The following SMG5 variants were observed in gnomAD, a reference collection of about 807,000 sequenced individuals.
The protein encoded by SMG5 is nonsense-mediated mRNA decay factor SMG5.
Under a neutral mutation model 122.9 loss-of-function variants are expected in SMG5, and 53 were observed. The ratio of observed to expected loss-of-function variants is 0.43; its 90% CI spans 0.35 to 0.54. The LOEUF (loss-of-function observed/expected upper bound fraction) is 0.54, where lower values mean the gene tolerates loss of function less well. Among genes scored for constraint, SMG5 ranks in the 20% least tolerant of loss-of-function variants. The pLI is 0.01. For synonymous variants in SMG5, 477 were observed against 490.2 expected, an observed-to-expected ratio of 0.97 and a Z score of 0.35; for missense variants, 1,153 against 1,285.6, an observed-to-expected ratio of 0.90 and a Z score of 1.58.
At chr1:156,253,562 G>C in intron 16 of SMG5, 54 bp from the exon 17 acceptor site, 3 of 1,558,456 alleles carry the variant, frequency 1.9e-6, no homozygotes, top group Non-Finnish European at 1.8e-6. Flanking sequence ...CCCTTCTCCA[G>C]TGATCAGGAA....
intron 2 of SMG5, among the ~76,000 whole-genome samples, chr1:156,278,257 C>A (rs968196316): frequency 1.3e-5 from 2 of 152,146 alleles, no homozygotes; most frequent in African/African-American, 4.8e-5. Flanking sequence ...ACTAAACATT[C>A]TAAGTTTTTC....
At position 156,267,555 on chromosome 1, in the gene SMG5, C is replaced by T. The variant is rs777488544; in HGVS notation, c.1032G>A (p.Glu344=). 5 of 1,614,004 alleles carry T rather than the reference C, an allele frequency of 3.1e-6. No individual in the cohort carries two copies. Among genetic ancestry groups the T allele is most frequent in the South Asian group, 2.2e-5 (2 of 91,082 alleles). The change falls in exon 10 of 22, where the codon GAG becomes GAA. Residue 344 remains glutamate, a synonymous_variant. Transcript: ENST00000361813. ...GGTCCGGGAGGAAAGCATATCCACT[C>T]TCATACTCCTCCTCATCCTCACTGG... ...SLASEDEEEY[E]SGYAFLPDLL...
intron 19 of SMG5, 51 bp downstream of exon 19, chr1:156,252,363 T>A (rs781059139): frequency 7.6e-6 from 12 of 1,568,730 alleles, no homozygotes; most frequent in Non-Finnish European, 3.5e-6. Context: ...GCATGTGTTA[T>A]CCAAAAGACA....
intron 16 of SMG5, among the ~76,000 whole-genome samples, chr1:156,257,752 A>T (rs1661645761): frequency 6.6e-6 from 1 of 152,142 alleles, no homozygotes; most frequent in Admixed American, 6.5e-5. Context: ...GAATGCCCAC[A>T]AGAAATGGCA....
chr1:156,264,650 G>A (rs896133714), intron 12 of SMG5, among the ~76,000 whole-genome samples: 3 of 152,120 alleles, frequency 2.0e-5, no homozygotes, highest in Non-Finnish European at 2.9e-5. Flanking sequence ...AAATCTAGTG[G>A]GGGCAAGTAA....
At chr1:156,272,290 G>A in intron 7 of SMG5, 30 bp downstream of exon 7, 4 of 1,565,638 alleles carry the variant, frequency 2.6e-6, no homozygotes, top group Non-Finnish European at 3.5e-6. Flanking sequence ...CACAAAAGCA[G>A]GGCTGGAAAA....
chr1:156,266,396 G>A lies in SMG5; in HGVS notation c.1256-16C>T, dbSNP rs1176091339. On this transcript the variant is annotated splice_polypyrimidine_tract_variant and intron_variant, in intron 11 of 21. Coordinates refer to ENST00000361813, the MANE Select transcript of SMG5 (RefSeq NM_015327.3). ...TCTGGTTCATCTGCGGAAAGAGGAAGGTCAGGTGGAGCCCGAGGAACAGGT... is the reference window on the plus strand; with the variant it reads ...TCTGGTTCATCTGCGGAAAGAGGAAAGTCAGGTGGAGCCCGAGGAACAGGT... 2 of 1,607,202 alleles carry A rather than the reference G, an allele frequency of 1.2e-6. No individual in the cohort carries two copies. Among genetic ancestry groups the A allele is most frequent in the Non-Finnish European group, 1.7e-6 (2 of 1,175,388 alleles).
rs917142545 is a variant in SMG5, at chr1:156,254,325, A to G, written c.2443-817T>C. On this transcript the variant is annotated intron_variant, in intron 16 of 21. Transcript: ENST00000361813. ...TATAGCCCTGCTTAAAAGTTTTCTG[A>G]TGCCTTTCCTCTGTATTATGGGTAA... Among the ~76,000 whole-genome samples, 3 of 152,188 alleles carry G rather than the reference A, an allele frequency of 2.0e-5. 1 individual carries two copies. Among genetic ancestry groups the G allele is most frequent in the African/African-American group, 7.2e-5 (3 of 41,454 alleles).
rs1663007301 is a variant in SMG5 at position 156,282,590 on chromosome 1, G to T, written c.74+17C>A. 6.2e-7 allele frequency: 1 copy of T among 1,601,926 alleles called. No individual in the cohort carries two copies. ...CACTTCCCTCGGTGGCTGCTCTCAC[G>T]CCCTGGCCCCTCTCACCGGTAAAGC... On this transcript the variant is annotated intron_variant, in intron 1 of 21. Coordinates refer to ENST00000361813, the MANE Select transcript of SMG5 (RefSeq NM_015327.3).
Position 156,282,783 on chromosome 1 carries a change from G to C in SMG5, c.-103C>G, listed in dbSNP as rs968795717. ...CGTAGCCGCAGCCGCCGCCGCCACC[G>C]GCCCTGCTCGGCCGCCATCGCTGTG... On this transcript the variant is annotated 5_prime_UTR_variant, in exon 1 of 22. Coordinates refer to ENST00000361813, the MANE Select transcript of SMG5 (RefSeq NM_015327.3). 215 of 1,254,060 alleles carry C rather than the reference G, an allele frequency of 1.7e-4. No homozygotes were observed. The highest frequency in any genetic ancestry group is 2.1e-4 in the Non-Finnish European group (197 of 929,564). 77.7% of individuals were successfully genotyped at this position (1,254,060 alleles called of 1,614,324 possible).
At chr1:156,280,996 C>T (rs554099475) in intron 1 of SMG5, among the ~76,000 whole-genome samples, 13 of 152,188 alleles carry the variant, frequency 8.5e-5, no homozygotes, top group South Asian at 4.1e-4. Context: ...ATTTCATATC[C>T]GTAAACAGCT....
intron 10 of SMG5, 53 bp downstream of exon 10, chr1:156,267,417 G>C (rs1662199301): frequency 1.9e-6 from 3 of 1,558,234 alleles, no homozygotes; most frequent in Non-Finnish European, 2.7e-6. Context: ...GAAAAGGGGA[G>C]TGAGGATCCC....
the SMG5 span, among the ~76,000 whole-genome samples, chr1:156,288,242 T>C: frequency 6.6e-6 from 1 of 151,236 alleles, no homozygotes; most frequent in Non-Finnish European, 1.5e-5. Flanking sequence ...TCACATGAAC[T>C]ACTGTTAATC....
At position 156,260,707 on chromosome 1, in the gene SMG5, T is replaced by C. The variant is rs1330984899; in HGVS notation, c.2108-81A>G. On this transcript the variant is annotated intron_variant, in intron 14 of 21. Transcript: ENST00000361813. ...GAGACATAACCCTTCCCTTTGGGAA[T>C]TATCAGGCTGATGAGATGATGAGGC... 6 of 1,298,744 alleles carry C rather than the reference T, an allele frequency of 4.6e-6. No individual in the cohort carries two copies. The East Asian group carries it at 8.5e-5, about 18-fold the overall frequency. The allele number at this position is 1,298,744 out of a possible 1,614,324, so 80.5% of individuals were successfully genotyped here.
chr1:156,286,063 A>C, upstream of SMG5: 1 of 1,533,028 alleles, frequency 6.5e-7, no homozygotes, highest in Non-Finnish European at 8.8e-7. Flanking sequence ...GAGCAGGAGG[A>C]TTTCCCTTCA....
intron 7 of SMG5, among the ~76,000 whole-genome samples, chr1:156,270,085 A>G (rs1662339624): frequency 6.6e-6 from 1 of 152,184 alleles, no homozygotes; most frequent in Non-Finnish European, 1.5e-5. Flanking sequence ...CACTCATGAC[A>G]TTTTGTGTCG....
At chr1:156,285,576 AT>A, upstream of SMG5, 1 of 1,614,230 alleles carries the variant, frequency 6.2e-7, no homozygotes, top group Non-Finnish European at 8.5e-7. Context: ...CCCGAAGACG[AT>A]GCCAACCTGC....
intron 10 of SMG5, among the ~76,000 whole-genome samples, chr1:156,267,041 C>T (rs1037743963): frequency 6.6e-6 from 1 of 152,092 alleles, no homozygotes; most frequent in African/African-American, 2.4e-5. Context: ...TCTGAGGTTC[C>T]TCCCCATGCC....
the SMG5 span, chr1:156,291,124 A>T: frequency 7.3e-5 from 35 of 479,160 alleles, no homozygotes; most frequent in Non-Finnish European, 1.3e-4. Context: ...AATAAAAATA[A>T]ATCGAAAAGT....
Sources: gnomAD v4.1 joint callset for allele counts (sites outside exome capture counted in the v4.1 genomes callset) on GRCh38, gnomAD v4.1.1 for gene constraint, MANE v1.5 for transcripts, NCBI Gene and HGNC (gene_info 2026-07-23, HGNC 2026-07-21) for gene names.